THSD7B: variants seen among roughly 807,000 people sequenced by gnomAD.
The protein encoded by THSD7B is thrombospondin type-1 domain-containing protein 7B.
A neutral mutation model predicts 213.6 loss-of-function variants in THSD7B; 138 were observed. The observed-to-expected ratio is 0.65, with a 90% CI of 0.56 to 0.74. The LOEUF is 0.74. Among genes scored for constraint, THSD7B ranks in the 30% least tolerant of loss-of-function variants. The probability of loss-of-function intolerance (pLI) is 0.00; values close to 1 mark genes in which losing one functional copy is unlikely to be tolerated. For synonymous variants in THSD7B, 742 were observed against 687.0 expected (o/e 1.08, Z -1.25); for missense variants, 1,931 against 1,991.5 (o/e 0.97, Z 0.58).
intron 2 of THSD7B, among the ~76,000 whole-genome samples, chr2:137,050,708 C>T (rs1687055846): frequency 6.6e-6 from 1 of 152,036 alleles, no homozygotes; most frequent in South Asian, 2.1e-4. Flanking sequence ...TACTTTAACA[C>T]ACATATTCAG....
At chr2:137,277,937 G>T (rs371342930) in intron 12 of THSD7B, among the ~76,000 whole-genome samples, 84 of 152,174 alleles carry the variant, frequency 5.5e-4, no homozygotes, top group African/African-American at 2.0e-3. Flanking sequence ...TACAGAGTCA[G>T]ATTTCTACCA....
At chr2:137,302,430 G>T (rs922119110) in intron 12 of THSD7B, among the ~76,000 whole-genome samples, 2 of 152,094 alleles carry the variant, frequency 1.3e-5, no homozygotes, top group African/African-American at 2.4e-5. Flanking sequence ...GACAAGTAAG[G>T]TGGGTTGGAG....
At chr2:137,360,355 TG>T (rs1242126657) in intron 12 of THSD7B, among the ~76,000 whole-genome samples, 3 of 152,038 alleles carry the variant, frequency 2.0e-5, no homozygotes, top group African/African-American at 7.2e-5. Flanking sequence ...TTCATCTCAT[TG>T]GGACTGGTCA....
intron 5 of THSD7B, among the ~76,000 whole-genome samples, chr2:137,156,401 A>G (rs892872): frequency 0.96 from 145,883 of 152,222 alleles, 69,968 homozygotes; most frequent in East Asian, 1. Context: ...CTGAAGAGAC[A>G]TGACTACTTT....
At chr2:137,513,683 G>A (rs1680013447) in intron 15 of THSD7B, among the ~76,000 whole-genome samples, 1 of 152,078 alleles carries the variant, frequency 6.6e-6, no homozygotes, top group African/African-American at 2.4e-5. Context: ...CTTATTTAGA[G>A]TATCTTAGAA....
intron 9 of THSD7B, among the ~76,000 whole-genome samples, chr2:137,241,774 G>T (rs1203488083): frequency 6.6e-6 from 1 of 152,084 alleles, no homozygotes; most frequent in Non-Finnish European, 1.5e-5. Flanking sequence ...AGCCAGGCAT[G>T]ATGGTGCACC....
In THSD7B at chr2:136,890,335, TTC is replaced by T. The variant is rs1558839856; in HGVS notation, c.139+8020_139+8021del. On this transcript the variant is annotated intron_variant, in intron 2 of 27. Coordinates refer to ENST00000409968, the MANE Select transcript of THSD7B (RefSeq NM_001316349.2). ...CTTCTTCTTCTTCTTCTTCTTCTTC[TTC>T]TTCTTCTTCTTCTTCTTCTTCTTCT... 7.6e-4 allele frequency among the ~76,000 whole-genome samples: 3 copies of T among 3,942 alleles called. 1 individual carries two copies. Among genetic ancestry groups the T allele is most frequent in the African/African-American group, 1.4e-3 (2 of 1,398 alleles). 2.6% of individuals were successfully genotyped at this position (3,942 alleles called of 152,430 possible).
At chr2:137,051,875 C>T (rs1376133857) in intron 2 of THSD7B, among the ~76,000 whole-genome samples, 1 of 152,082 alleles carries the variant, frequency 6.6e-6, no homozygotes, top group East Asian at 1.9e-4. Context: ...TTATTGAACA[C>T]CACACCTAAA....
At chr2:137,174,988 A>C (rs1680332234) in intron 7 of THSD7B, among the ~76,000 whole-genome samples, 1 of 152,216 alleles carries the variant, frequency 6.6e-6, no homozygotes, top group Non-Finnish European at 1.5e-5. Context: ...TCAAACATAT[A>C]ACTGGTTCGT....
chr2:136,864,470 T>G lies in THSD7B; in HGVS notation c.-35-17674T>G, dbSNP rs1683301404. Among the ~76,000 whole-genome samples the G allele has an allele frequency of 3.3e-5, 5 of 152,352 alleles. No individual in the cohort carries two copies. In the South Asian group the frequency reaches 8.3e-4, roughly 25 times the overall value. ...GTCTTCCAAAAATTTAATGTATGTA[T>G]TTTTGCTCATAATTTTCATCAGCTA... On this transcript the variant is annotated intron_variant, in intron 1 of 27. Coordinates refer to ENST00000409968, the MANE Select transcript of THSD7B (RefSeq NM_001316349.2).
At chr2:136,973,752 A>G (rs1348346654) in intron 2 of THSD7B, among the ~76,000 whole-genome samples, 1 of 152,238 alleles carries the variant, frequency 6.6e-6, no homozygotes, top group African/African-American at 2.4e-5. Flanking sequence ...AGTTCATTAA[A>G]GCAGCACCCT....
In THSD7B at chr2:137,375,271, A is replaced by G. The variant is rs76929763; in HGVS notation, c.2501-30342A>G. 1.8e-3 allele frequency among the ~76,000 whole-genome samples: 269 copies of G among 152,298 alleles called. 8 individuals are homozygous for G. In the East Asian group the frequency reaches 0.045, roughly 26 times the overall value. On this transcript the variant is annotated intron_variant, in intron 12 of 27. Transcript: ENST00000409968. The stretch of plus-strand genomic sequence containing the variant: ...GCAGTTTTATACTTAGCTAATTTTA[A>G]CAGGTTAAAAAAAACACTGTACACA...
At chr2:137,309,051 GT>G (rs1388674191) in intron 12 of THSD7B, among the ~76,000 whole-genome samples, 7 of 152,152 alleles carry the variant, frequency 4.6e-5, no homozygotes, top group Middle Eastern at 3.4e-3. Context: ...AATCTATAAA[GT>G]TTTTCGTAAA....
chr2:136,946,018 A>C lies in THSD7B; in HGVS notation c.139+63701A>C, dbSNP rs145218118. On this transcript the variant is annotated intron_variant, in intron 2 of 27. Coordinates refer to ENST00000409968, the MANE Select transcript of THSD7B (RefSeq NM_001316349.2). ...TGTTTTGTTGCTGGCAAGGAGCTGC[A>C]GTCGTTTGGAAGAGAAGAGGCGCTC... Among the ~76,000 whole-genome samples, 9 of 152,276 alleles carry C rather than the reference A, an allele frequency of 5.9e-5. No homozygotes were observed. In the East Asian group the frequency reaches 1.7e-3, roughly 29 times the overall value.
chr2:137,201,705 A>G (rs1680878502), intron 7 of THSD7B, among the ~76,000 whole-genome samples: 1 of 152,172 alleles, frequency 6.6e-6, no homozygotes, highest in African/African-American at 2.4e-5. Context: ...ACAGTTCTCC[A>G]AAGTGGCTGT....
intron 1 of THSD7B, among the ~76,000 whole-genome samples, chr2:136,869,328 C>G (rs991051871): frequency 3.9e-5 from 6 of 152,180 alleles, no homozygotes; most frequent in Non-Finnish European, 2.9e-5. Flanking sequence ...ATAAAATTTA[C>G]CTTTTCCCTG....
chr2:137,276,681 T>C (rs1682883192), intron 12 of THSD7B, among the ~76,000 whole-genome samples: 1 of 152,048 alleles, frequency 6.6e-6, no homozygotes, highest in Non-Finnish European at 1.5e-5. Flanking sequence ...CAGGTGCCAG[T>C]TGTAGGAAGC....
At chr2:136,783,843 G>C (rs1681790684) in intron 1 of THSD7B, among the ~76,000 whole-genome samples, 1 of 152,218 alleles carries the variant, frequency 6.6e-6, no homozygotes, top group African/African-American at 2.4e-5. Context: ...CAACAAGTTA[G>C]TTAATCAGTG....
Position 137,056,758 on chromosome 2 carries a change from G to T in THSD7B, c.478G>T (p.Glu160Ter). 6.2e-7 allele frequency: 1 copy of T among 1,613,922 alleles called. No individual in the cohort carries two copies. Among genetic ancestry groups the T allele is most frequent in the Non-Finnish European group, 8.5e-7 (1 of 1,179,888 alleles). Residue 160 changes from glutamate (E) to a stop codon, truncating the protein, a stop_gained, in exon 3 of 28, where the codon GAA becomes TAA. Coordinates refer to ENST00000409968, the MANE Select transcript of THSD7B (RefSeq NM_001316349.2). LOFTEE classifies it high-confidence loss of function. ...NRTVVANEIC[E>*]HFALQPPTEQ... ...AACTGTGGTTGCAAATGAAATATGC[G>T]AACACTTTGCCCTTCAGCCTCCTAC...
Sources: gnomAD v4.1 joint callset for allele counts (sites outside exome capture counted in the v4.1 genomes callset) on GRCh38, gnomAD v4.1.1 for gene constraint, MANE v1.5 for transcripts, NCBI Gene and HGNC (gene_info 2026-07-23, HGNC 2026-07-21) for gene names.